CHM: variants seen among roughly 807,000 people sequenced by gnomAD.
The protein encoded by CHM is CHM Rab escort protein.
In CHM, 10 loss-of-function variants were observed where a neutral mutation model predicts 49.0. The ratio of observed to expected loss-of-function variants is 0.20; its 90% CI spans 0.13 to 0.35. The LOEUF (loss-of-function observed/expected upper bound fraction) is 0.35. Ranked by LOEUF, CHM falls within the 10% of genes least tolerant of loss-of-function variation. CHM has a pLI of 1.00. For synonymous variants in CHM, 184 were observed against 167.5 expected (o/e 1.10, Z -0.76); for missense variants, 455 against 478.4 (o/e 0.95, Z 0.46).
intron 4 of CHM, chrX:85,969,005 A>C: frequency 2.1e-6 from 1 of 469,745 alleles, no homozygotes; most frequent in Non-Finnish European, 2.6e-6. Context: ...CATCTAAATT[A>C]GAAGTATTAG....
intron 12 of CHM, among the ~76,000 whole-genome samples, chrX:85,886,991 C>T (rs970663678): frequency 9.5e-6 from 1 of 104,922 alleles, no homozygotes; most frequent in Non-Finnish European, 1.9e-5. Flanking sequence ...TTTAAATGAA[C>T]ATTAACTTCT....
chrX:85,979,881 A>T (rs1364252871), intron 3 of CHM, among the ~76,000 whole-genome samples: 1 of 111,401 alleles, frequency 9.0e-6, no homozygotes, highest in Non-Finnish European at 1.9e-5. Flanking sequence ...CTTATTATCA[A>T]GTATAATATT....
intron 8 of CHM, among the ~76,000 whole-genome samples, chrX:85,947,596 A>T (rs1446725507): frequency 1.8e-5 from 2 of 111,670 alleles, no homozygotes; most frequent in Non-Finnish European, 3.8e-5. Flanking sequence ...TTTCATTATA[A>T]ATTACCCAGT....
intron 8 of CHM, among the ~76,000 whole-genome samples, chrX:85,920,102 A>ATT (rs754844812): frequency 1.9e-5 from 2 of 104,640 alleles, no homozygotes; most frequent in South Asian, 8.3e-4. Flanking sequence ...TTTTATTTTT[A>ATT]TTTTTTTTTT....
chrX:85,892,898 C>A (rs1925571408), intron 12 of CHM, among the ~76,000 whole-genome samples: 1 of 111,148 alleles, frequency 9.0e-6, no homozygotes, highest in Non-Finnish European at 1.9e-5. Flanking sequence ...GTAACACTTA[C>A]GTTTACTCAA....
intron 14 of CHM, among the ~76,000 whole-genome samples, chrX:85,866,177 T>C (rs1270566943): frequency 8.9e-6 from 1 of 112,271 alleles, no homozygotes; most frequent in Non-Finnish European, 1.9e-5. Context: ...GAAAAATGGT[T>C]TAGTGGGCTG....
At chrX:86,001,934 T>C (rs1932747036) in intron 2 of CHM, among the ~76,000 whole-genome samples, 2 of 111,203 alleles carry the variant, frequency 1.8e-5, no homozygotes, top group African/African-American at 3.3e-5. Context: ...CATGGTGTAA[T>C]GGTCAACACC....
chrX:85,971,684 G>C (rs1485072600), intron 4 of CHM: 1 of 185,890 alleles, frequency 5.4e-6, no homozygotes, highest in African/African-American at 3.1e-5. Flanking sequence ...CTGCTGGCTG[G>C]GCAGCCTGCT....
chrX:85,984,495 T>C (rs1339895492), intron 2 of CHM, among the ~76,000 whole-genome samples: 1 of 112,020 alleles, frequency 8.9e-6, no homozygotes, highest in Non-Finnish European at 1.9e-5. Flanking sequence ...AGAATGCTCA[T>C]ATATTTTGGT....
At chrX:86,025,296 T>C (rs1933758063) in intron 2 of CHM, among the ~76,000 whole-genome samples, 1 of 112,050 alleles carries the variant, frequency 8.9e-6, no homozygotes, top group Admixed American at 9.5e-5. Flanking sequence ...CCTAGGTTCT[T>C]ATATTTTTAA....
At chrX:85,866,405 T>C (rs1365714755) in intron 14 of CHM, among the ~76,000 whole-genome samples, 1 of 112,623 alleles carries the variant, frequency 8.9e-6, no homozygotes, top group Non-Finnish European at 1.9e-5. Context: ...TTTCAGAGGA[T>C]GTTAGGAAAC....
At chrX:86,032,080 C>T (rs772239368) in intron 1 of CHM, among the ~76,000 whole-genome samples, 6 of 111,854 alleles carry the variant, frequency 5.4e-5, no homozygotes, top group Non-Finnish European at 1.1e-4. Context: ...AAAATAACAC[C>T]TGTTCAAATT....
chrX:85,890,627 T>C lies in CHM; in HGVS notation c.1510+3561A>G, dbSNP rs566993911. 1.4e-4 allele frequency among the ~76,000 whole-genome samples: 16 copies of C among 112,357 alleles called. No individual in the cohort carries two copies. The South Asian group carries it at 5.9e-3, about 42-fold the overall frequency. On this transcript the variant is annotated intron_variant, in intron 12 of 14. Coordinates refer to ENST00000357749, the MANE Select transcript of CHM (RefSeq NM_000390.4). ...CACGTAAGAAGTGCCTTTTGCCTCC[T>C]GCCATGATTCTGAAGCATCCTCAGC... is the stretch of plus-strand genomic sequence containing the variant.
intron 2 of CHM, among the ~76,000 whole-genome samples, chrX:85,996,086 T>C (rs1176592200): frequency 1.8e-5 from 2 of 112,108 alleles, no homozygotes; most frequent in Non-Finnish European, 3.8e-5. Context: ...TATTCACATA[T>C]ATATGATTAT....
At chrX:85,937,564 T>C (rs898095423) in intron 8 of CHM, among the ~76,000 whole-genome samples, 2 of 109,475 alleles carry the variant, frequency 1.8e-5, no homozygotes, top group African/African-American at 6.7e-5. Flanking sequence ...AGGCTGGGCA[T>C]GGTGGCTCAC....
intron 9 of CHM, among the ~76,000 whole-genome samples, chrX:85,901,863 G>A (rs921776224): frequency 5.4e-5 from 6 of 111,561 alleles, no homozygotes; most frequent in African/African-American, 1.9e-4. Context: ...GATATGTGTT[G>A]GAACAATGAA....
At chrX:85,926,478 C>T (rs187309099) in intron 8 of CHM, among the ~76,000 whole-genome samples, 57 of 110,827 alleles carry the variant, frequency 5.1e-4, no homozygotes, top group African/African-American at 1.4e-3. Context: ...TCAAGAATTT[C>T]ACCCTTTAGC....
rs1253274678 is a variant in CHM at position 85,863,864 on chromosome X, C to T, written c.*766G>A. 1 of 111,794 alleles carries T rather than the reference C, an allele frequency of 8.9e-6. No homozygotes were observed. Among genetic ancestry groups the T allele is most frequent in the Non-Finnish European group, 1.9e-5 (1 of 53,163 alleles). 9.2% of individuals were successfully genotyped at this position (111,794 alleles called of 1,213,427 possible). A position where few individuals can be genotyped will look rare whatever the true frequency, so the allele number is the denominator to read the frequency against. On this transcript the variant is annotated 3_prime_UTR_variant, in exon 15 of 15. Coordinates refer to ENST00000357749, the MANE Select transcript of CHM (RefSeq NM_000390.4). ...TTACCAAATATCATCAGTAGGACAG[C>T]CAGGATTAAATTAGGTCTGTAGACA... is the stretch of plus-strand genomic sequence containing the variant.
chrX:85,945,427 T>A (rs1929347862), intron 8 of CHM, among the ~76,000 whole-genome samples: 1 of 92,035 alleles, frequency 1.1e-5, no homozygotes, highest in African/African-American at 4.0e-5. Flanking sequence ...ATGTGTGGCA[T>A]CTCCCTCTCT....
Sources: gnomAD v4.1 joint callset for allele counts (sites outside exome capture counted in the v4.1 genomes callset) on GRCh38, gnomAD v4.1.1 for gene constraint, MANE v1.5 for transcripts, NCBI Gene and HGNC (gene_info 2026-07-23, HGNC 2026-07-21) for gene names.